Variants in PALM2AKAP2 observed in about 807,000 individuals in gnomAD.
PALM2AKAP2 encodes the protein PALM2 and AKAP2 fusion.
Under a neutral mutation model 71.5 loss-of-function variants are expected in PALM2AKAP2, and 37 were observed. The ratio of observed to expected loss-of-function variants is 0.52; its 90% CI spans 0.40 to 0.68. PALM2AKAP2 has a LOEUF of 0.68. Among genes scored for constraint, PALM2AKAP2 ranks in the 30% least tolerant of loss-of-function variants. PALM2AKAP2 has a pLI of 0.00. For missense variants in PALM2AKAP2, 1,224 were observed against 1,191.8 expected (o/e 1.03, Z -0.40); for synonymous variants, 468 against 478.8 (o/e 0.98, Z 0.29).
chr9:110,113,699 T>G (rs1835298520), intron 1 of PALM2AKAP2, among the ~76,000 whole-genome samples: 1 of 151,998 alleles, frequency 6.6e-6, no homozygotes, highest in South Asian at 2.1e-4. Context: ...AACAGGCTAA[T>G]TTTTTGTATT....
intron 1 of PALM2AKAP2, among the ~76,000 whole-genome samples, chr9:109,706,846 A>G (rs959573856): frequency 2.0e-5 from 3 of 152,238 alleles, no homozygotes; most frequent in Admixed American, 6.5e-5. Flanking sequence ...TTAAATGTCC[A>G]GAATAAGTAA....
intron 3 of PALM2AKAP2, among the ~76,000 whole-genome samples, chr9:109,905,682 G>C (rs895773580): frequency 6.6e-6 from 1 of 152,216 alleles, no homozygotes; most frequent in Non-Finnish European, 1.5e-5. Flanking sequence ...AGCCGGGTGA[G>C]GGCAGTAATG....
chr9:109,903,934 G>A (rs1472365552), intron 3 of PALM2AKAP2, among the ~76,000 whole-genome samples: 1 of 152,076 alleles, frequency 6.6e-6, no homozygotes, highest in Non-Finnish European at 1.5e-5. Context: ...TGGAAAATCA[G>A]TTTAACATCA....
intron 1 of PALM2AKAP2, among the ~76,000 whole-genome samples, chr9:110,120,360 T>C (rs1259594456): frequency 6.6e-6 from 1 of 152,132 alleles, no homozygotes; most frequent in Non-Finnish European, 1.5e-5. Context: ...GGGGTAGAAA[T>C]GGGGTGCATG....
At chr9:109,961,879 G>A (rs987197497) in intron 6 of PALM2AKAP2, among the ~76,000 whole-genome samples, 35 of 152,264 alleles carry the variant, frequency 2.3e-4, no homozygotes, top group African/African-American at 8.4e-4. Flanking sequence ...TAATGAAAAG[G>A]AACAGCAGAA....
At chr9:110,022,752 C>T (rs959878893) in intron 7 of PALM2AKAP2, among the ~76,000 whole-genome samples, 2 of 151,872 alleles carry the variant, frequency 1.3e-5, no homozygotes, top group East Asian at 1.9e-4. Flanking sequence ...CAACAGTCCC[C>T]GGAGTGTGAT....
At chr9:110,016,741 T>C (rs761624363) in intron 7 of PALM2AKAP2, among the ~76,000 whole-genome samples, 13 of 152,322 alleles carry the variant, frequency 8.5e-5, no homozygotes, top group African/African-American at 1.4e-4. Flanking sequence ...TCTGCTAACA[T>C]ATTAGTTAAC....
intron 1 of PALM2AKAP2, among the ~76,000 whole-genome samples, chr9:109,829,209 T>C (rs775214397): frequency 7.9e-5 from 12 of 152,324 alleles, no homozygotes; most frequent in Admixed American, 2.6e-4. Flanking sequence ...GACGCTCACC[T>C]CACTTCTCTA....
chr9:109,670,477 C>T (rs1415611566), intron 1 of PALM2AKAP2, among the ~76,000 whole-genome samples: 1 of 152,056 alleles, frequency 6.6e-6, no homozygotes, highest in Non-Finnish European at 1.5e-5. Context: ...ACATAATATC[C>T]CATGGTGTAT....
chr9:109,742,462 G>C (rs926218768), intron 1 of PALM2AKAP2, among the ~76,000 whole-genome samples: 6 of 152,130 alleles, frequency 3.9e-5, no homozygotes, highest in African/African-American at 1.2e-4. Flanking sequence ...AGATAAAATG[G>C]GTCAGGAGTC....
At chr9:110,075,983 A>T (rs894854170) in intron 1 of PALM2AKAP2, among the ~76,000 whole-genome samples, 3 of 152,180 alleles carry the variant, frequency 2.0e-5, no homozygotes, top group African/African-American at 7.2e-5. Flanking sequence ...TGTTAAAAAA[A>T]TTCAGGAAAT....
chr9:109,847,469 T>C (rs1031312379), intron 1 of PALM2AKAP2, among the ~76,000 whole-genome samples: 12 of 152,248 alleles, frequency 7.9e-5, no homozygotes, highest in East Asian at 3.9e-4. Flanking sequence ...TCGATGGGCG[T>C]GATGGCTCAC....
chr9:110,112,926 T>C (rs1438006151), intron 1 of PALM2AKAP2, among the ~76,000 whole-genome samples: 3 of 152,246 alleles, frequency 2.0e-5, no homozygotes, highest in Non-Finnish European at 4.4e-5. Context: ...ATATCATAAA[T>C]GCTCAACAAA....
intron 3 of PALM2AKAP2, among the ~76,000 whole-genome samples, chr9:109,881,534 G>A (rs754818710): frequency 6.6e-6 from 1 of 152,134 alleles, no homozygotes; most frequent in Non-Finnish European, 1.5e-5. Flanking sequence ...TTATGTGCCC[G>A]TGCTCTAAAA....
chr9:109,741,759 T>A (rs1003871940), intron 1 of PALM2AKAP2, among the ~76,000 whole-genome samples: 10 of 152,346 alleles, frequency 6.6e-5, no homozygotes, highest in African/African-American at 2.4e-4. Flanking sequence ...AGGTTTTAGC[T>A]CTAAGATCCA....
chr9:110,069,163 C>G lies in PALM2AKAP2; in HGVS notation c.156+20308C>G, dbSNP rs1382388098. On this transcript the variant is annotated intron_variant, in intron 1 of 3. Coordinates refer to ENST00000374525, the Ensembl canonical transcript of PALM2AKAP2. ...GAACCCATTGAGTTATTCCACCTGT[C>G]AAAACCTTGGTTTTGTAAACTGCAA... 2.6e-5 allele frequency among the ~76,000 whole-genome samples: 4 copies of G among 152,176 alleles called. No individual in the cohort carries two copies. In the East Asian group the frequency reaches 7.7e-4, roughly 29 times the overall value.
chr9:110,117,631 A>G (rs1835391013), intron 1 of PALM2AKAP2, among the ~76,000 whole-genome samples: 1 of 152,188 alleles, frequency 6.6e-6, no homozygotes, highest in Non-Finnish European at 1.5e-5. Flanking sequence ...GTCTCATCCC[A>G]TAGAAGAAGG....
intron 6 of PALM2AKAP2, among the ~76,000 whole-genome samples, chr9:109,948,538 A>G (rs1485608460): frequency 6.6e-6 from 1 of 152,232 alleles, no homozygotes; most frequent in Non-Finnish European, 1.5e-5. Flanking sequence ...GGAAAACAAG[A>G]TGTTTTCTGA....
At chr9:109,878,163 A>G (rs181595879) in intron 2 of PALM2AKAP2, among the ~76,000 whole-genome samples, 28 of 152,274 alleles carry the variant, frequency 1.8e-4, no homozygotes, top group Non-Finnish European at 2.8e-4. Flanking sequence ...TAAGCAACCA[A>G]CGTAAGCAAA....
Sources: allele counts gnomAD v4.1 joint callset (sites outside exome capture counted in the v4.1 genomes callset), GRCh38; gene constraint gnomAD v4.1.1; transcripts MANE v1.5; gene names NCBI Gene and HGNC (gene_info 2026-07-23, HGNC 2026-07-21).